KPNA3: variants seen among roughly 807,000 people sequenced by gnomAD.
The protein encoded by KPNA3 is importin subunit alpha-4.
In KPNA3, 13 loss-of-function variants were observed where a neutral mutation model predicts 73.8. That is an observed-to-expected ratio of 0.18 (90% confidence interval 0.11 to 0.28). KPNA3 has a LOEUF of 0.28. Ranked by LOEUF, KPNA3 falls within the 10% of genes least tolerant of loss-of-function variation. The pLI is 1.00. For missense variants in KPNA3, 360 were observed against 618.1 expected, an observed-to-expected ratio of 0.58 and a Z score of 4.43; for synonymous variants, 186 against 206.9, an observed-to-expected ratio of 0.90 and a Z score of 0.87.
At chr13:49,770,326 C>T (rs540691582) in intron 1 of KPNA3, among the ~76,000 whole-genome samples, 4 of 151,730 alleles carry the variant, frequency 2.6e-5, no homozygotes, top group African/African-American at 9.7e-5. Flanking sequence ...CAGATGTGCA[C>T]CACCACACCA....
chr13:49,709,507 AC>A, intron 12 of KPNA3, 64 bp downstream of exon 12: 2 of 1,363,780 alleles, frequency 1.5e-6, no homozygotes, highest in Admixed American at 2.1e-5. Flanking sequence ...AGCAATAGAA[AC>A]AAGGAGACAG....
At chr13:49,778,800 G>T (rs1954918246) in intron 1 of KPNA3, among the ~76,000 whole-genome samples, 1 of 152,004 alleles carries the variant, frequency 6.6e-6, no homozygotes, top group South Asian at 2.1e-4. Flanking sequence ...TAGAGATGAG[G>T]TCTCACTGTA....
chr13:49,746,064 G>GAAAAAAAAAAA (rs398022733), intron 2 of KPNA3, among the ~76,000 whole-genome samples: 1 of 83,086 alleles, frequency 1.2e-5, no homozygotes, highest in Non-Finnish European at 2.4e-5. Flanking sequence ...CTCTGCATCA[G>GAAAAAAAAAAA]AAAAAAAAAA....
intron 1 of KPNA3, among the ~76,000 whole-genome samples, chr13:49,784,318 C>T (rs990277913): frequency 1.3e-5 from 2 of 152,182 alleles, no homozygotes; most frequent in East Asian, 3.9e-4. Flanking sequence ...CAGTTAAGCA[C>T]CACCAGAAGG....
In KPNA3 at chr13:49,721,948, C is replaced by T; in HGVS notation, c.726+7G>A. 6 of 1,521,210 alleles carry T rather than the reference C, an allele frequency of 3.9e-6. No homozygotes were observed. Among genetic ancestry groups the T allele is most frequent in the Non-Finnish European group, 5.3e-6 (6 of 1,131,404 alleles). 94.2% of individuals were successfully genotyped at this position (1,521,210 alleles called of 1,614,324 possible). ...ATACCATCTGGCCTTTACAATTCTT[C>T]ATTTACCTCCTGAACTGTCTCCATA... On this transcript the variant is annotated splice_region_variant and intron_variant, in intron 9 of 16. Transcript: ENST00000261667.
intron 2 of KPNA3, among the ~76,000 whole-genome samples, chr13:49,735,790 T>C (rs1002332749): frequency 2.0e-5 from 3 of 152,224 alleles, no homozygotes; most frequent in Admixed American, 2.0e-4. Context: ...TGTTTTTTAC[T>C]AGGTTGAACC....
chr13:49,734,544 G>C (rs1472137954), intron 2 of KPNA3, among the ~76,000 whole-genome samples: 1 of 152,144 alleles, frequency 6.6e-6, no homozygotes, highest in Non-Finnish European at 1.5e-5. Flanking sequence ...ATTGTAGAAA[G>C]GAATGTAGTG....
intron 2 of KPNA3, among the ~76,000 whole-genome samples, chr13:49,739,332 AGCATTATTCAACCAACACACATGTATTT>A (rs1954552378): frequency 6.6e-6 from 1 of 152,244 alleles, no homozygotes; most frequent in Non-Finnish European, 1.5e-5. Context: ...CAACCCACGA[AGCATTATTCAACCAACACACATGTATTT>A]TGAGAGGCAT....
intron 2 of KPNA3, among the ~76,000 whole-genome samples, chr13:49,734,437 T>C (rs148633011): frequency 1.3e-5 from 2 of 152,270 alleles, no homozygotes; most frequent in East Asian, 3.9e-4. Context: ...TCCCAAACTT[T>C]CTCAGTCCAC....
At position 49,737,716 on chromosome 13, in the gene KPNA3, T is replaced by C. The variant is rs1954537243; in HGVS notation, c.115-4670A>G. ...CTCCAACTCCCGGGCTCAAGAGTTG[T>C]TTTTGCCTCAGCCTCCTGAGTAGCT... On this transcript the variant is annotated intron_variant, in intron 2 of 16. Coordinates refer to ENST00000261667, the MANE Select transcript of KPNA3 (RefSeq NM_002267.4). Among the ~76,000 whole-genome samples, 3 of 151,992 alleles carry C rather than the reference T, an allele frequency of 2.0e-5. No homozygotes were observed. In the South Asian group the frequency reaches 6.2e-4, roughly 32 times the overall value.
intron 10 of KPNA3, among the ~76,000 whole-genome samples, chr13:49,714,975 G>T (rs73192686): frequency 6.6e-6 from 1 of 151,740 alleles, no homozygotes; most frequent in Non-Finnish European, 1.5e-5. Flanking sequence ...ATGCAAGGAT[G>T]GTTCAATTTT....
intron 1 of KPNA3, among the ~76,000 whole-genome samples, chr13:49,772,966 C>A (rs1377920934): frequency 2.0e-5 from 3 of 152,128 alleles, no homozygotes; most frequent in African/African-American, 4.8e-5. Context: ...TTGCCAAAAA[C>A]TAGTAACAAC....
chr13:49,772,969 G>GT (rs1954867275), intron 1 of KPNA3, among the ~76,000 whole-genome samples: 1 of 152,086 alleles, frequency 6.6e-6, no homozygotes, highest in Non-Finnish European at 1.5e-5. Flanking sequence ...CCAAAAACTA[G>GT]TAACAACTCA....
intron 8 of KPNA3, 78 bp downstream of exon 8, chr13:49,722,399 C>T (rs928738909): frequency 1.1e-6 from 1 of 922,562 alleles, no homozygotes; most frequent in African/African-American, 1.7e-5. Flanking sequence ...TCAGAGGAAA[C>T]ATAGTATGTA....
At chr13:49,792,092 G>A (rs962311422) in intron 1 of KPNA3, among the ~76,000 whole-genome samples, 3 of 152,134 alleles carry the variant, frequency 2.0e-5, no homozygotes, top group African/African-American at 7.2e-5. Context: ...CTGTGCGGTC[G>A]GAGGGCCCGG....
At chr13:49,713,269 T>G (rs1255744724) in intron 10 of KPNA3, among the ~76,000 whole-genome samples, 2 of 150,906 alleles carry the variant, frequency 1.3e-5, no homozygotes, top group South Asian at 4.2e-4. Context: ...CAAATAGCCC[T>G]GCAATCACTG....
Position 49,701,736 on chromosome 13 carries a change from C to T in KPNA3, c.*64G>A. 1.0e-6 allele frequency: 1 copy of T among 976,574 alleles called. No homozygotes were observed. The highest frequency in any genetic ancestry group is 1.7e-6 in the Non-Finnish European group (1 of 600,088). The allele number at this position is 976,574 out of a possible 1,614,324, so 60.5% of individuals were successfully genotyped here. ...AGCCTTTTGTTGCTGTTGTTCTTAT[C>T]ATTTGGTAGCCATCTGGTGGTGCTT... is the stretch of plus-strand genomic sequence containing the variant. On this transcript the variant is annotated 3_prime_UTR_variant, in exon 17 of 17. Coordinates refer to ENST00000261667, the MANE Select transcript of KPNA3 (RefSeq NM_002267.4).
chr13:49,720,749 A>AAG (rs1954348758), intron 9 of KPNA3, among the ~76,000 whole-genome samples: 3 of 145,200 alleles, frequency 2.1e-5, no homozygotes, highest in Non-Finnish European at 3.0e-5. Flanking sequence ...AAAAAAAAAA[A>AAG]GAGATAACAC....
Position 49,701,717 on chromosome 13 carries a change from T to C in KPNA3, c.*83A>G, listed in dbSNP as rs1954149638. The C allele has an allele frequency of 1.2e-6, 1 of 869,174 alleles. No individual in the cohort carries two copies. The allele number at this position is 869,174 out of a possible 1,614,324, so 53.8% of individuals were successfully genotyped here. A position where few individuals can be genotyped will look rare whatever the true frequency, so the allele number is the denominator to read the frequency against. ...AGAGGCATGTGTGTTTTGGAGCCTT[T>C]TGTTGCTGTTGTTCTTATCATTTGG... On this transcript the variant is annotated 3_prime_UTR_variant, in exon 17 of 17. Coordinates refer to ENST00000261667, the MANE Select transcript of KPNA3 (RefSeq NM_002267.4).
Sources: gnomAD v4.1 joint callset for allele counts (sites outside exome capture counted in the v4.1 genomes callset) on GRCh38, gnomAD v4.1.1 for gene constraint, MANE v1.5 for transcripts, NCBI Gene and HGNC (gene_info 2026-07-23, HGNC 2026-07-21) for gene names.